Variants in SGK3 observed in about 807,000 individuals in gnomAD.
The protein encoded by SGK3 is serine/threonine-protein kinase Sgk3.
In SGK3, 47 loss-of-function variants were observed where a neutral mutation model predicts 68.5. The observed-to-expected ratio is 0.69, with a 90% CI of 0.54 to 0.87. The LOEUF (loss-of-function observed/expected upper bound fraction) is 0.87. Ranked by LOEUF, SGK3 falls within the 40% of genes least tolerant of loss-of-function variation. The pLI is 0.00. For synonymous variants in SGK3, 181 were observed against 189.1 expected (o/e 0.96, Z 0.35); for missense variants, 479 against 575.5 (o/e 0.83, Z 1.72).
At chr8:66,763,422 T>A (rs909077573) in intron 1 of SGK3, among the ~76,000 whole-genome samples, 1 of 152,186 alleles carries the variant, frequency 6.6e-6, no homozygotes, top group African/African-American at 2.4e-5. Context: ...TACTGGAAAG[T>A]AAGGAAGTTA....
intron 7 of SGK3, among the ~76,000 whole-genome samples, chr8:66,830,192 C>T (rs1246200002): frequency 6.6e-6 from 1 of 152,164 alleles, no homozygotes; most frequent in Non-Finnish European, 1.5e-5. Flanking sequence ...GGTTCATCTC[C>T]AGCAGTTAAC....
chr8:66,823,608 G>A (rs191062954), intron 6 of SGK3, among the ~76,000 whole-genome samples: 1 of 152,126 alleles, frequency 6.6e-6, no homozygotes, highest in East Asian at 1.9e-4. Flanking sequence ...ATATTTGCCA[G>A]GCTGCTCTCA....
chr8:66,779,695 A>G (rs56960881), intron 1 of SGK3, among the ~76,000 whole-genome samples: 7,777 of 146,908 alleles, frequency 0.053, 733 homozygotes, highest in African/African-American at 0.18. Flanking sequence ...ATATATATAT[A>G]CCCTAATTTT....
chr8:66,729,167 C>G (rs148143868), intron 1 of SGK3, among the ~76,000 whole-genome samples: 54 of 145,370 alleles, frequency 3.7e-4, no homozygotes, highest in African/African-American at 1.3e-3. Flanking sequence ...TGCAGTGAGC[C>G]GAGATCGCGC....
chr8:66,767,090 C>T (rs1041886551), intron 1 of SGK3, among the ~76,000 whole-genome samples: 3 of 152,360 alleles, frequency 2.0e-5, no homozygotes, highest in South Asian at 4.1e-4. Context: ...GGTGATCCGC[C>T]TGCCTCAGCC....
chr8:66,759,081 T>C (rs11996421), intron 1 of SGK3, among the ~76,000 whole-genome samples: 1 of 136,270 alleles, frequency 7.3e-6, no homozygotes. Flanking sequence ...TCTTTTCTTC[T>C]TTTTTTTTTT....
chr8:66,725,594 G>T (rs1454838879), intron 1 of SGK3, among the ~76,000 whole-genome samples: 1 of 151,434 alleles, frequency 6.6e-6, no homozygotes, highest in Non-Finnish European at 1.5e-5. Context: ...TATATCTAGC[G>T]TTCTTTTTCC....
At chr8:66,774,257 A>G (rs1270405997) in intron 1 of SGK3, among the ~76,000 whole-genome samples, 1 of 152,126 alleles carries the variant, frequency 6.6e-6, no homozygotes, top group African/African-American at 2.4e-5. Flanking sequence ...AATTTTTGTA[A>G]TAAAGGTTAC....
intron 1 of SGK3, among the ~76,000 whole-genome samples, chr8:66,771,106 T>TG (rs1007809687): frequency 6.6e-6 from 1 of 152,226 alleles, no homozygotes; most frequent in Non-Finnish European, 1.5e-5. Flanking sequence ...TACTCCATGT[T>TG]GGCTGGATTC....
At chr8:66,843,993 CAAAAAAAAA>C (rs11311018) in intron 14 of SGK3, among the ~76,000 whole-genome samples, 4 of 71,412 alleles carry the variant, frequency 5.6e-5, no homozygotes, top group African/African-American at 1.1e-4. Flanking sequence ...GACTCTGTCT[CAAAAAAAAA>C]AAAAAAAAAA....
intron 8 of SGK3, 51 bp from the exon 9 acceptor site, chr8:66,835,712 T>C: frequency 4.5e-6 from 7 of 1,556,810 alleles, no homozygotes; most frequent in Non-Finnish European, 6.1e-6. Context: ...GAATTATTTC[T>C]ATCAAAATTT....
chr8:66,736,201 C>G (rs1805310739), intron 1 of SGK3, among the ~76,000 whole-genome samples: 1 of 152,096 alleles, frequency 6.6e-6, no homozygotes, highest in African/African-American at 2.4e-5. Context: ...TGTTATTAAG[C>G]TTAGAATACA....
chr8:66,809,705 C>T (rs1808304037), intron 4 of SGK3, among the ~76,000 whole-genome samples: 1 of 152,180 alleles, frequency 6.6e-6, no homozygotes, highest in East Asian at 1.9e-4. Context: ...ATAGCAGAAT[C>T]ACAGTTCATA....
At position 66,822,466 on chromosome 8, in the gene SGK3, A is replaced by G. The variant is rs748689772; in HGVS notation, c.417+7A>G. ...TGAAAGAAGTTCTCAGAAGGTAGTA[A>G]GAGGAATTGCCTTTCTTAATAGAAA... On this transcript the variant is annotated splice_region_variant and intron_variant, in intron 6 of 16. Coordinates refer to ENST00000521198, the MANE Select transcript of SGK3 (RefSeq NM_001033578.3). 1 of 1,610,052 alleles carries G rather than the reference A, an allele frequency of 6.2e-7. No individual in the cohort carries two copies. The highest frequency in any genetic ancestry group is 1.1e-5 in the South Asian group (1 of 90,134).
At chr8:66,827,651 G>T (rs575589487) in intron 6 of SGK3, among the ~76,000 whole-genome samples, 1 of 152,130 alleles carries the variant, frequency 6.6e-6, no homozygotes, top group South Asian at 2.1e-4. Context: ...TGGGATTTTT[G>T]AGTTAAAATT....
chr8:66,755,030 G>A (rs1805931952), intron 1 of SGK3, among the ~76,000 whole-genome samples: 1 of 152,216 alleles, frequency 6.6e-6, no homozygotes, highest in African/African-American at 2.4e-5. Context: ...AGGCGGAAGC[G>A]GGTGGATCAC....
chr8:66,806,993 T>G (rs1411914899), intron 4 of SGK3, among the ~76,000 whole-genome samples: 1 of 152,152 alleles, frequency 6.6e-6, no homozygotes, highest in East Asian at 1.9e-4. Flanking sequence ...GATGTGAAAC[T>G]GACAGTGTGT....
At chr8:66,769,905 T>C (rs985638025) in intron 1 of SGK3, among the ~76,000 whole-genome samples, 2 of 151,906 alleles carry the variant, frequency 1.3e-5, no homozygotes, top group African/African-American at 4.8e-5. Context: ...AATGTCCTAG[T>C]CAGCTAATTC....
At chr8:66,765,028 G>A (rs1208967620) in intron 1 of SGK3, among the ~76,000 whole-genome samples, 1 of 152,192 alleles carries the variant, frequency 6.6e-6, no homozygotes. Flanking sequence ...ACATGTGCAA[G>A]TAAGTATTTG....
Sources: allele counts gnomAD v4.1 joint callset (sites outside exome capture counted in the v4.1 genomes callset), GRCh38; gene constraint gnomAD v4.1.1; transcripts MANE v1.5; gene names NCBI Gene and HGNC (gene_info 2026-07-23, HGNC 2026-07-21).